KCNC1: variants seen among roughly 807,000 people sequenced by gnomAD.
KCNC1 encodes voltage-gated potassium channel KCNC1.
In KCNC1, 8 loss-of-function variants were observed where a neutral mutation model predicts 43.4. The ratio of observed to expected loss-of-function variants is 0.18; its 90% confidence interval spans 0.11 to 0.33. The LOEUF (loss-of-function observed/expected upper bound fraction) is 0.33. Ranked by LOEUF, KCNC1 falls within the 10% of genes least tolerant of loss-of-function variation. The pLI, the probability that KCNC1 is intolerant of heterozygous loss-of-function variation, is 1.00. For missense variants in KCNC1, 420 were observed against 836.0 expected (o/e 0.50, Z 6.14); for synonymous variants, 361 against 360.5 (o/e 1.00, Z -0.01).
Position 17,736,418 on chromosome 11 carries a change from C to T in KCNC1, c.416C>T (p.Pro139Leu), listed in dbSNP as rs1848766563. 2 of 1,608,640 alleles carry T rather than the reference C, an allele frequency of 1.2e-6. No individual in the cohort carries two copies. Among genetic ancestry groups the T allele is most frequent in the African/African-American group, 1.3e-5 (1 of 74,852 alleles). The change falls in exon 1 of 4, where the codon CCT (proline) becomes CTT (leucine). Residue 139 changes from proline to leucine, a missense_variant. This residue lies in a region of KCNC1 where 151 missense variants were observed against 216.7 expected (regional missense o/e 0.70). Coordinates refer to ENST00000265969, the MANE Select transcript of KCNC1 (RefSeq NM_001112741.2). This position sits in a 1 kb window ranked among gnomAD's most constrained non-coding sequence, Gnocchi z 9.3. ...NSADDADADG[P>L]GDSGDGEDEL... ...GCCGACGACGCGGACGCCGACGGCC[C>T]TGGCGACTCGGGCGACGGCGAGGAC...
Position 17,742,739 on chromosome 11 carries a change from G to A in KCNC1, c.570+6167G>A, listed in dbSNP as rs1048717192. On this transcript the variant is annotated intron_variant, in intron 1 of 3. Transcript: ENST00000265969. This position sits in a 1 kb window ranked among gnomAD's most constrained non-coding sequence, Gnocchi z 4.2. ...TTCAGTGAAAATAAACAGGCTCAGA[G>A]AGGGAAAGACACTTGCTCAAGACAA... Among the ~76,000 whole-genome samples, 1 of 152,212 alleles carries A rather than the reference G, an allele frequency of 6.6e-6. No homozygotes were observed. The highest frequency in any genetic ancestry group is 2.4e-5 in the African/African-American group (1 of 41,442).
At chr11:17,750,098 G>A (rs1489792934) in intron 1 of KCNC1, among the ~76,000 whole-genome samples, 1 of 152,220 alleles carries the variant, frequency 6.6e-6, no homozygotes, top group East Asian at 1.9e-4. Flanking sequence ...GGCAGGTGGT[G>A]TCTGGCTGAG....
intron 2 of KCNC1, among the ~76,000 whole-genome samples, chr11:17,778,636 C>T (rs1031398800): frequency 1.3e-5 from 2 of 152,108 alleles, no homozygotes; most frequent in Non-Finnish European, 2.9e-5. Context: ...ATGTGGGGGA[C>T]GGAGCAGATG....
rs548633400 is a variant in KCNC1 at position 17,744,785 on chromosome 11, G to A, written c.570+8213G>A. Among the ~76,000 whole-genome samples the A allele has an allele frequency of 6.6e-5, 10 of 152,142 alleles. No homozygotes were observed. The East Asian group carries it at 1.9e-3, about 30-fold the overall frequency. ...GGGGTGTTTGCGATGGCTGCTATGGGGGATGGAGGGGTGGCTGCTGGAGGA... is the reference window on the plus strand; with the variant it reads ...GGGGTGTTTGCGATGGCTGCTATGGAGGATGGAGGGGTGGCTGCTGGAGGA... On this transcript the variant is annotated intron_variant, in intron 1 of 3. Transcript: ENST00000265969.
intron 1 of KCNC1, among the ~76,000 whole-genome samples, chr11:17,765,489 AG>A (rs1849137915): frequency 6.6e-6 from 1 of 152,208 alleles, no homozygotes; most frequent in African/African-American, 2.4e-5. Context: ...ACAGATCGTT[AG>A]TAGGTTTGTC....
chr11:17,737,661 C>G (rs1440975987), intron 1 of KCNC1, among the ~76,000 whole-genome samples: 1 of 152,190 alleles, frequency 6.6e-6, no homozygotes, highest in Non-Finnish European at 1.5e-5. Context: ...TCACTGGGCT[C>G]TGTCCTTAGA....
chr11:17,737,609 A>G (rs1590089675), intron 1 of KCNC1, among the ~76,000 whole-genome samples: 1 of 152,156 alleles, frequency 6.6e-6, no homozygotes, highest in South Asian at 2.1e-4. Context: ...AAAAAGAGGA[A>G]CTGGTAGCAG....
chr11:17,746,941 A>G (rs142096578), intron 1 of KCNC1, among the ~76,000 whole-genome samples: 1 of 152,252 alleles, frequency 6.6e-6, no homozygotes, highest in East Asian at 1.9e-4. Flanking sequence ...GGAGGATCCA[A>G]TGTGTTAAGC....
At chr11:17,772,753 T>C (rs1849244660) in intron 2 of KCNC1, 155 bp downstream of exon 2, 2 of 1,492,822 alleles carry the variant, frequency 1.3e-6, no homozygotes, top group Non-Finnish European at 1.8e-6. Context: ...CCCAGGGAGA[T>C]GCTGGGCGGC....
rs140637569 is a variant in KCNC1, at chr11:17,736,098, G to A, written c.96G>A (p.Thr32=). The change falls in exon 1 of 4, where the codon ACG becomes ACA. Residue 32 remains threonine (T), a synonymous_variant. Transcript: ENST00000265969. This position sits in a 1 kb window ranked among gnomAD's most constrained non-coding sequence, Gnocchi z 9.3. ...YRSTLRTLPG[T]RLAWLAEPDA... ...CGACCCTGCGCACGCTGCCCGGCAC[G>A]CGGCTCGCCTGGCTGGCGGAGCCCG... 4.4e-5 allele frequency: 71 copies of A among 1,608,540 alleles called. No individual in the cohort carries two copies. The highest frequency in any genetic ancestry group is 5.4e-5 in the Non-Finnish European group (64 of 1,177,712).
chr11:17,746,445 C>A (rs1848901005), intron 1 of KCNC1, among the ~76,000 whole-genome samples: 1 of 152,208 alleles, frequency 6.6e-6, no homozygotes, highest in Non-Finnish European at 1.5e-5. Context: ...AGCCCGACCC[C>A]CGAGTCTGAC....
At position 17,776,220 on chromosome 11, in the gene KCNC1, C is replaced by T. The variant is rs1475397079; in HGVS notation, c.1505-3236C>T. ...CTCTCTCTCTCCACTAATCATGTTT[C>T]TCTCTCTCTCCTCGTTTTGTTGCAT... On this transcript the variant is annotated intron_variant, in intron 2 of 3. Coordinates refer to ENST00000265969, the MANE Select transcript of KCNC1 (RefSeq NM_001112741.2). This position sits in a 1 kb window ranked among gnomAD's most constrained non-coding sequence, Gnocchi z 4.4. 1 of 984,562 alleles carries T rather than the reference C, an allele frequency of 1.0e-6. No individual in the cohort carries two copies. The highest frequency in any genetic ancestry group is 1.2e-6 in the Non-Finnish European group (1 of 829,292). 61.0% of individuals were successfully genotyped at this position (984,562 alleles called of 1,614,324 possible). A position where few individuals can be genotyped will look rare whatever the true frequency, so the allele number is the denominator to read the frequency against.
At chr11:17,772,752 A>T in intron 2 of KCNC1, 154 bp downstream of exon 2, 1 of 1,492,062 alleles carries the variant, frequency 6.7e-7, no homozygotes, top group East Asian at 2.3e-5. Flanking sequence ...GCCCAGGGAG[A>T]TGCTGGGCGG....
intron 1 of KCNC1, among the ~76,000 whole-genome samples, chr11:17,740,557 C>T (rs1301610642): frequency 6.6e-6 from 1 of 152,104 alleles, no homozygotes; most frequent in East Asian, 1.9e-4. Flanking sequence ...TGGCTTTAGT[C>T]TCTGATTTGC....
chr11:17,780,208 T>C (rs1018587857), intron 3 of KCNC1: 3 of 152,376 alleles, frequency 2.0e-5, no homozygotes, highest in Non-Finnish European at 4.4e-5. Context: ...GTCAGAATAT[T>C]GCTAGTGGCA....
In KCNC1 at chr11:17,781,534, C is replaced by A. The variant is rs1191605916; in HGVS notation, c.1694-136C>A. On this transcript the variant is annotated intron_variant, in intron 3 of 3. Coordinates refer to ENST00000265969, the MANE Select transcript of KCNC1 (RefSeq NM_001112741.2). The surrounding 1 kb of genome is among the most constrained non-coding windows in gnomAD (Gnocchi z 5.1). ...TGGCTCAGTGCATGGGCAAACCAAG[C>A]CAGCTGGAGAAGAATCTGCCTGCCT... The A allele has an allele frequency of 3.0e-6, 2 of 669,890 alleles. No homozygotes were observed. The highest frequency in any genetic ancestry group is 5.3e-6 in the Non-Finnish European group (2 of 379,442). The allele number at this position is 669,890 out of a possible 1,614,324, so 41.5% of individuals were successfully genotyped here.
intron 2 of KCNC1, chr11:17,775,113 G>A: frequency 1.4e-5 from 14 of 985,638 alleles, no homozygotes; most frequent in Non-Finnish European, 1.7e-5. Flanking sequence ...AGGTAAATGT[G>A]GTGGCCCCAC....
In KCNC1 at chr11:17,776,284, C is replaced by G. The variant is rs138238610; in HGVS notation, c.1505-3172C>G. Reference sequence around the variant, plus strand: ...TCTCGTGATTGTTCCCTGCTCGTGTCTCACAGACTGTCCCCATTTAGCCTG... The same window carrying G: ...TCTCGTGATTGTTCCCTGCTCGTGTGTCACAGACTGTCCCCATTTAGCCTG... On this transcript the variant is annotated intron_variant, in intron 2 of 3. Transcript: ENST00000265969. This position sits in a 1 kb window ranked among gnomAD's most constrained non-coding sequence, Gnocchi z 4.4. 9.6e-3 allele frequency: 9,458 copies of G among 985,432 alleles called. 58 individuals carry two copies. Among genetic ancestry groups the G allele is most frequent in the Middle Eastern group, 0.016 (31 of 1,914 alleles). The allele number at this position is 985,432 out of a possible 1,614,324, so 61.0% of individuals were successfully genotyped here. A position where few individuals can be genotyped will look rare whatever the true frequency, so the allele number is the denominator to read the frequency against.
intron 1 of KCNC1, among the ~76,000 whole-genome samples, chr11:17,748,421 A>T (rs989445088): frequency 5.3e-5 from 8 of 152,092 alleles, no homozygotes; most frequent in Non-Finnish European, 1.2e-4. Flanking sequence ...AGAAAGATGG[A>T]GGAATGTACT....
Sources: allele counts gnomAD v4.1 joint callset (sites outside exome capture counted in the v4.1 genomes callset), GRCh38; gene constraint gnomAD v4.1.1; regional missense constraint gnomAD v4.1.1; non-coding constraint Gnocchi (gnomAD v3.1); transcripts MANE v1.5; gene names NCBI Gene and HGNC (gene_info 2026-07-23, HGNC 2026-07-21).